FLT4: variants seen among roughly 807,000 people sequenced by gnomAD.
The protein encoded by FLT4 is fms related receptor tyrosine kinase 4, also known as vascular endothelial growth factor receptor 3.
Under a neutral mutation model 163.2 loss-of-function variants are expected in FLT4, and 30 were observed. The observed-to-expected ratio is 0.18, with a 90% CI of 0.14 to 0.25. The LOEUF (loss-of-function observed/expected upper bound fraction) is 0.25. FLT4 is among the 10% of genes least tolerant of loss of function. The pLI is 1.00. For missense variants in FLT4, 1,510 were observed against 1,863.8 expected (o/e 0.81, Z 3.50); for synonymous variants, 884 against 789.5 (o/e 1.12, Z -2.01).
At chr5:180,642,662 G>A (rs927578429) in intron 1 of FLT4, among the ~76,000 whole-genome samples, 2 of 152,108 alleles carry the variant, frequency 1.3e-5, no homozygotes, top group African/African-American at 2.4e-5. Flanking sequence ...CCCAGACCTC[G>A]AGCCCAGCCC....
At chr5:180,608,135 T>G in intron 29 of FLT4, 1 of 700,510 alleles carries the variant, frequency 1.4e-6, no homozygotes, top group Non-Finnish European at 2.6e-6. Context: ...TCCACTTTCA[T>G]GCTCCTCTTG....
Position 180,624,044 on chromosome 5 carries a change from T to C in FLT4, c.1439A>G (p.Gln480Arg), listed in dbSNP as rs1434201128. ...AQRSLRRRQQ[Q>R]DLMPQCRDWR... ...GTCACGGCACTGTGGCATGAGGTCTTGCTGCTGCCGCCGCCGGCTGCCAGG... is the reference window on the plus strand; with the variant it reads ...GTCACGGCACTGTGGCATGAGGTCTCGCTGCTGCCGCCGCCGGCTGCCAGG... The change falls in exon 11 of 30, where the codon CAA becomes CGA. Residue 480 changes from glutamine (Q) to arginine (R), a missense_variant. Gln to Arg is a conservative substitution (Grantham distance 43). Around this residue, in one of 5 missense-constraint regions of FLT4, gnomAD observed 878 missense variants for 1,016.7 expected, o/e 0.86. Coordinates refer to ENST00000261937, the MANE Select transcript of FLT4 (RefSeq NM_182925.5). 9 of 1,612,872 alleles carry C rather than the reference T, an allele frequency of 5.6e-6. No homozygotes were observed. The highest frequency in any genetic ancestry group is 7.6e-6 in the Non-Finnish European group (9 of 1,179,966).
At chr5:180,649,052 T>G (rs1196844231) in intron 1 of FLT4, among the ~76,000 whole-genome samples, 1 of 151,904 alleles carries the variant, frequency 6.6e-6, no homozygotes, top group Admixed American at 6.6e-5. Context: ...CGTCGGGAAG[T>G]GCGCACCCAA....
At position 180,626,028 on chromosome 5, in the gene FLT4, G is replaced by C. The variant is rs768308058; in HGVS notation, c.1262C>G (p.Pro421Arg). 6.2e-7 allele frequency: 1 copy of C among 1,612,700 alleles called. No homozygotes were observed. The highest frequency in any genetic ancestry group is 1.7e-5 in the Admixed American group (1 of 60,012). ...NISLELVVNV[P>R]PQIHEKEASS... ...GGCCTCCTTCTCATGTATCTGGGGGGGCACTGTGGGCACACAGATGGCCGG... is the reference window on the plus strand; with the variant it reads ...GGCCTCCTTCTCATGTATCTGGGGGCGCACTGTGGGCACACAGATGGCCGG... Residue 421 changes from proline (P) to arginine (R), a missense_variant, in exon 10 of 30, where the codon CCC (proline) becomes CGC (arginine). Transcript: ENST00000261937.
In FLT4 at chr5:180,622,830, T is replaced by G; in HGVS notation, c.1558A>C (p.Lys520Gln). 1 of 1,612,460 alleles carries G rather than the reference T, an allele frequency of 6.2e-7. No individual in the cohort carries two copies. Among genetic ancestry groups the G allele is most frequent in the Non-Finnish European group, 8.5e-7 (1 of 1,178,884 alleles). Residue 520 changes from lysine to glutamine, a missense_variant, in exon 12 of 30, where the codon AAG becomes CAG. Lys to Gln is a moderately conservative substitution (Grantham distance 53, BLOSUM62 1). Around this residue, in one of 5 missense-constraint regions of FLT4, gnomAD observed 878 missense variants for 1,016.7 expected, o/e 0.86. Transcript: ENST00000261937. ...FVEGKNKTVS[K>Q]LVIQNANVSA... is the part of the protein sequence containing the mutation. ...ACGTTGGCATTCTGGATCACCAGCT[T>G]GCTCACAGTCTGGGAGAGCACAGGC... is the stretch of plus-strand genomic sequence containing the variant.
intron 27 of FLT4, among the ~76,000 whole-genome samples, chr5:180,610,954 G>A (rs1762130962): frequency 6.6e-6 from 1 of 152,238 alleles, no homozygotes; most frequent in Non-Finnish European, 1.5e-5. Flanking sequence ...CTACTCGGGA[G>A]GCTGAGGCAG....
intron 29 of FLT4, among the ~76,000 whole-genome samples, chr5:180,606,618 T>C (rs960856944): frequency 3.9e-5 from 6 of 152,224 alleles, no homozygotes; most frequent in African/African-American, 7.2e-5. Flanking sequence ...AGGTTTGAAT[T>C]TACGTGGCGA....
chr5:180,649,634 C>G, upstream of FLT4: 10 of 344,410 alleles, frequency 2.9e-5, no homozygotes, highest in Non-Finnish European at 3.6e-5. Context: ...TGGGGCGGGG[C>G]GGGGCGGGGC....
At chr5:180,641,960 G>A (rs1321027695) in intron 1 of FLT4, among the ~76,000 whole-genome samples, 1 of 152,142 alleles carries the variant, frequency 6.6e-6, no homozygotes, top group African/African-American at 2.4e-5. Context: ...TGTAATCACA[G>A]CACTTTGGGA....
In FLT4 at chr5:180,612,945, G is replaced by A. The variant is rs1474442306; in HGVS notation, c.3431+66C>T. On this transcript the variant is annotated intron_variant, in intron 25 of 29. Coordinates refer to ENST00000261937, the MANE Select transcript of FLT4 (RefSeq NM_182925.5). ...GGCTTCCCTGATGCCACCTTCTCAT[G>A]GACACAACCCCCACGCCCCCGACGC... The A allele has an allele frequency of 1.3e-5, 17 of 1,275,850 alleles. No individual in the cohort carries two copies. The Admixed American group carries it at 2.0e-4, about 15-fold the overall frequency. The allele number at this position is 1,275,850 out of a possible 1,614,324, so 79.0% of individuals were successfully genotyped here. A position where few individuals can be genotyped will look rare whatever the true frequency, so the allele number is the denominator to read the frequency against.
intron 17 of FLT4, 137 bp from the exon 18 acceptor site, chr5:180,619,906 A>G (rs1433098943): frequency 5.7e-6 from 4 of 707,158 alleles, no homozygotes; most frequent in Non-Finnish European, 7.3e-6. Context: ...CACAGCGGGA[A>G]GACAAGGAGA....
chr5:180,650,287 C>T (rs1386935756), upstream of FLT4, among the ~76,000 whole-genome samples: 1 of 151,978 alleles, frequency 6.6e-6, no homozygotes, highest in Non-Finnish European at 1.5e-5. Context: ...GATGACCGAC[C>T]CCCTCCCTGC....
intron 1 of FLT4, among the ~76,000 whole-genome samples, chr5:180,638,953 C>T (rs1255191218): frequency 7.3e-6 from 1 of 136,418 alleles, no homozygotes; most frequent in African/African-American, 2.8e-5. Context: ...GCACCTGGCA[C>T]AGAGTAAAGT....
At chr5:180,621,076 C>G in intron 14 of FLT4, 30 bp downstream of exon 14, 5 of 1,612,686 alleles carry the variant, frequency 3.1e-6, no homozygotes, top group Non-Finnish European at 4.2e-6. Context: ...GGCCTCCGGA[C>G]CTGCCCTTCG....
intron 2 of FLT4, 62 bp downstream of exon 2, chr5:180,631,620 C>A: frequency 1.5e-6 from 2 of 1,365,240 alleles, no homozygotes; most frequent in Non-Finnish European, 2.1e-6. Flanking sequence ...CCCACAGCCA[C>A]CACCTCCTGC....
Position 180,636,571 on chromosome 5 carries a change from G to A in FLT4, c.59-4793C>T, listed in dbSNP as rs978685208. On this transcript the variant is annotated intron_variant, in intron 1 of 29. Coordinates refer to ENST00000261937, the MANE Select transcript of FLT4 (RefSeq NM_182925.5). This position sits in a 1 kb window ranked among gnomAD's most constrained non-coding sequence, Gnocchi z 4.3. ...CACCATCCCCCCCACCCCAGCTCCT[G>A]CCCTTCTCCATGACTTCACCATCCA... 1.6e-5 allele frequency among the ~76,000 whole-genome samples: 2 copies of A among 127,972 alleles called. No homozygotes were observed. Among genetic ancestry groups the A allele is most frequent in the Non-Finnish European group, 3.2e-5 (2 of 61,862 alleles). The allele number at this position is 127,972 out of a possible 152,430, so 84.0% of individuals were successfully genotyped here.
chr5:180,609,085 C>T, intron 28 of FLT4, 32 bp from the exon 29 acceptor site: 1 of 1,593,940 alleles, frequency 6.3e-7, no homozygotes. Flanking sequence ...GGCTGTGGGT[C>T]CCGCCTGAGG....
intron 29 of FLT4, among the ~76,000 whole-genome samples, chr5:180,606,960 C>T (rs1261604968): frequency 6.6e-6 from 1 of 151,418 alleles, no homozygotes; most frequent in African/African-American, 2.4e-5. Flanking sequence ...CGCCTATAAT[C>T]CCAGCTACTC....
intron 1 of FLT4, among the ~76,000 whole-genome samples, chr5:180,641,190 A>G (rs1169114477): frequency 4.6e-5 from 7 of 152,038 alleles, no homozygotes; most frequent in Non-Finnish European, 1.0e-4. Context: ...CCCCCAGCTG[A>G]GCATGTCATC....
Sources: allele counts gnomAD v4.1 joint callset (sites outside exome capture counted in the v4.1 genomes callset), GRCh38; gene constraint gnomAD v4.1.1; regional missense constraint gnomAD v4.1.1; non-coding constraint Gnocchi (gnomAD v3.1); transcripts MANE v1.5; gene names NCBI Gene and HGNC (gene_info 2026-07-23, HGNC 2026-07-21).